DOT1L: variants seen among roughly 807,000 people sequenced by gnomAD.
The protein encoded by DOT1L is DOT1 like histone lysine methyltransferase.
A neutral mutation model predicts 153.3 loss-of-function variants in DOT1L; 33 were observed. The ratio of observed to expected loss-of-function variants is 0.22; its 90% confidence interval spans 0.16 to 0.29. The LOEUF (loss-of-function observed/expected upper bound fraction) is 0.29, where lower values mean the gene tolerates loss of function less well. Ranked by LOEUF, DOT1L falls within the 10% of genes least tolerant of loss-of-function variation. DOT1L has a pLI of 1.00. For synonymous variants in DOT1L, 1,135 were observed against 965.1 expected (o/e 1.18, Z -3.26); for missense variants, 1,847 against 2,119.9 (o/e 0.87, Z 2.53).
chr19:2,229,871 G>C lies in DOT1L; in HGVS notation c.*79G>C. 1 of 1,610,458 alleles carries C rather than the reference G, an allele frequency of 6.2e-7. No individual in the cohort carries two copies. The highest frequency in any genetic ancestry group is 1.1e-5 in the South Asian group (1 of 91,030). On this transcript the variant is annotated 3_prime_UTR_variant, in exon 28 of 28. Coordinates refer to ENST00000398665, the MANE Select transcript of DOT1L (RefSeq NM_032482.3). ...CCCGCGGCATGGTGCCCGCCGGCCT[G>C]CCGGGCTCCCACCCCTGGACGGCAG...
chr19:2,171,425 G>A (rs993426615), intron 1 of DOT1L, among the ~76,000 whole-genome samples: 8 of 152,298 alleles, frequency 5.3e-5, no homozygotes, highest in Middle Eastern at 3.4e-3. Context: ...GTTCTCAGGG[G>A]TGGAGGTGGC....
intron 3 of DOT1L, among the ~76,000 whole-genome samples, chr19:2,188,551 TG>T (rs1029484021): frequency 1.4e-5 from 2 of 140,924 alleles, no homozygotes; most frequent in African/African-American, 5.4e-5. Flanking sequence ...GATTGTTCTC[TG>T]GGAGGGGCCG....
chr19:2,195,521 G>A (rs1329701420), intron 7 of DOT1L, among the ~76,000 whole-genome samples: 3 of 152,166 alleles, frequency 2.0e-5, no homozygotes, highest in Non-Finnish European at 4.4e-5. Flanking sequence ...GGATTGGAGG[G>A]TGGCTTGGGG....
Position 2,187,900 on chromosome 19 carries a change from T to A in DOT1L, c.201-1832T>A, listed in dbSNP as rs6510651. On this transcript the variant is annotated intron_variant, in intron 3 of 27. Coordinates refer to ENST00000398665, the MANE Select transcript of DOT1L (RefSeq NM_032482.3). ...TCGCGCCACCGCACTCCAGCCTGGG[T>A]GACAGAGCGAGACTCCATCTCAGAA... Among the ~76,000 whole-genome samples, 12 of 143,840 alleles carry A rather than the reference T, an allele frequency of 8.3e-5. No homozygotes were observed. In the East Asian group the frequency reaches 1.0e-3, roughly 12 times the overall value. 94.4% of individuals were successfully genotyped at this position (143,840 alleles called of 152,430 possible).
At chr19:2,198,825 G>A (rs1240097124) in intron 7 of DOT1L, among the ~76,000 whole-genome samples, 2 of 152,180 alleles carry the variant, frequency 1.3e-5, no homozygotes, top group African/African-American at 2.4e-5. Context: ...CTCTGTGTCC[G>A]GCGTCTCTCA....
chr19:2,217,034 C>A lies in DOT1L; in HGVS notation c.2488C>A (p.Pro830Thr). 1 of 1,612,714 alleles carries A rather than the reference C, an allele frequency of 6.2e-7. No individual in the cohort carries two copies. The highest frequency in any genetic ancestry group is 8.5e-7 in the Non-Finnish European group (1 of 1,179,718). Residue 830 changes from proline to threonine, a missense_variant, in exon 21 of 28, where the codon CCG becomes ACG. By Grantham distance (38) the Pro-to-Thr change is conservative (BLOSUM62 -1). Coordinates refer to ENST00000398665, the MANE Select transcript of DOT1L (RefSeq NM_032482.3). The surrounding 1 kb of genome is among the most constrained non-coding windows in gnomAD (Gnocchi z 7.3). The part of the protein sequence containing the change: ...PGSMKLSPQD[P>T]RPLSPGALQL... ...CAGCATGAAGCTGAGCCCTCAGGAC[C>A]CGCGGCCCCTGTCCCCTGGGGCCTT... is the stretch of plus-strand genomic sequence containing the variant.
intron 2 of DOT1L, among the ~76,000 whole-genome samples, chr19:2,182,739 C>T (rs1356400074): frequency 1.3e-5 from 2 of 152,146 alleles, no homozygotes; most frequent in East Asian, 1.9e-4. Flanking sequence ...TGGGAAGGGG[C>T]CTGCACAGAC....
chr19:2,192,177 G>A (rs2022824149), intron 5 of DOT1L, among the ~76,000 whole-genome samples: 1 of 152,154 alleles, frequency 6.6e-6, no homozygotes. Context: ...GTGGGGAAGG[G>A]GCCCCAGGGG....
intron 25 of DOT1L, among the ~76,000 whole-genome samples, chr19:2,224,943 C>T (rs774830009): frequency 3.3e-5 from 5 of 152,182 alleles, no homozygotes; most frequent in Non-Finnish European, 5.9e-5. Context: ...TGGATCAAAG[C>T]GACCCCATGC....
intron 7 of DOT1L, among the ~76,000 whole-genome samples, chr19:2,196,934 C>T (rs1239804176): frequency 6.6e-6 from 1 of 152,208 alleles, no homozygotes; most frequent in Non-Finnish European, 1.5e-5. Context: ...TTCGTTGCTG[C>T]TTCTAGTGTC....
At chr19:2,224,704 G>A (rs2024258555) in intron 25 of DOT1L, among the ~76,000 whole-genome samples, 1 of 152,150 alleles carries the variant, frequency 6.6e-6, no homozygotes, top group Non-Finnish European at 1.5e-5. Flanking sequence ...CTGGCCTCAA[G>A]CCTTCTGCCT....
intron 24 of DOT1L, chr19:2,223,002 G>C (rs891630627): frequency 4.3e-5 from 21 of 485,902 alleles, no homozygotes; most frequent in South Asian, 6.6e-5. Flanking sequence ...TCTGGGGTTC[G>C]GAGTGCGATG....
chr19:2,227,015 C>G lies in DOT1L; in HGVS notation c.4494C>G (p.Phe1498Leu), dbSNP rs747864306. 2.5e-6 allele frequency: 4 copies of G among 1,589,172 alleles called. No homozygotes were observed. The highest frequency in any genetic ancestry group is 1.1e-5 in the South Asian group (1 of 89,724). ...GCTCCTCCGTGCTGCAGTCGCTGTT[C>G]AGCTCTGTGCCGGCCGCCGCAGGCC... ...VAGSSVLQSL[F>L]SSVPAAAGLV... The change falls in exon 27 of 28, where the codon TTC becomes TTG. Residue 1498 changes from phenylalanine to leucine, a missense_variant. Physicochemically the swap from Phe to Leu is conservative, Grantham distance 22. Around this residue, in one of 8 missense-constraint regions of DOT1L, gnomAD observed 934 missense variants for 825.3 expected, o/e 1.13. Transcript: ENST00000398665.
intron 27 of DOT1L, chr19:2,228,031 T>G: frequency 1.6e-6 from 2 of 1,288,950 alleles, no homozygotes; most frequent in Non-Finnish European, 2.0e-6. Context: ...CCCCCAACGC[T>G]GCTGGCCTCT....
At chr19:2,209,046 G>A (rs2023611700) in intron 12 of DOT1L, 70 bp downstream of exon 12, 2 of 1,553,056 alleles carry the variant, frequency 1.3e-6, no homozygotes, top group Non-Finnish European at 1.8e-6. Flanking sequence ...GCAAAGCCGT[G>A]CGCAGCCGGG....
chr19:2,230,474 C>G lies in DOT1L; in HGVS notation c.*682C>G, dbSNP rs2024552248. 6 of 399,176 alleles carry G rather than the reference C, an allele frequency of 1.5e-5. No individual in the cohort carries two copies. The highest frequency in any genetic ancestry group is 2.6e-5 in the Non-Finnish European group (6 of 226,476). The allele number at this position is 399,176 out of a possible 1,614,324, so 24.7% of individuals were successfully genotyped here. A position where few individuals can be genotyped will look rare whatever the true frequency, so the allele number is the denominator to read the frequency against. The stretch of plus-strand genomic sequence containing the variant: ...GGGGCCTGCGCGGTGACGCAGCTGG[C>G]CATGTGCTGCGCGATGGTGCTGTGA... On this transcript the variant is annotated 3_prime_UTR_variant, in exon 28 of 28. Transcript: ENST00000398665.
chr19:2,188,436 G>C (rs920659293), intron 3 of DOT1L: 6 of 151,880 alleles, frequency 4.0e-5, no homozygotes, highest in African/African-American at 1.5e-4. Flanking sequence ...CGTGCACGTG[G>C]AGGTGGCGGA....
At chr19:2,184,357 C>T (rs2022394584) in intron 2 of DOT1L, among the ~76,000 whole-genome samples, 1 of 152,178 alleles carries the variant, frequency 6.6e-6, no homozygotes. Context: ...CACAGCCCTT[C>T]TGACAGGATG....
rs1411549190 is a variant in DOT1L at position 2,220,634 on chromosome 19, A to G, written c.2806+412A>G. 1 of 424,028 alleles carries G rather than the reference A, an allele frequency of 2.4e-6. No homozygotes were observed. Among genetic ancestry groups the G allele is most frequent in the African/African-American group, 2.0e-5 (1 of 48,844 alleles). 26.3% of individuals were successfully genotyped at this position (424,028 alleles called of 1,614,324 possible). A position where few individuals can be genotyped will look rare whatever the true frequency, so the allele number is the denominator to read the frequency against. On this transcript the variant is annotated intron_variant, in intron 23 of 27. Coordinates refer to ENST00000398665, the MANE Select transcript of DOT1L (RefSeq NM_032482.3). This position sits in a 1 kb window ranked among gnomAD's most constrained non-coding sequence, Gnocchi z 4.5. ...CGGCATGGTTTCTGGTTCCTTGAGA[A>G]GGTGCCGCCTGAGCAGTCTCTGCTG...
Sources: allele counts gnomAD v4.1 joint callset (sites outside exome capture counted in the v4.1 genomes callset), GRCh38; gene constraint gnomAD v4.1.1; regional missense constraint gnomAD v4.1.1; non-coding constraint Gnocchi (gnomAD v3.1); transcripts MANE v1.5; gene names NCBI Gene and HGNC (gene_info 2026-07-23, HGNC 2026-07-21).